Variants in FHIT observed in about 807,000 individuals in gnomAD.
The protein encoded by FHIT is fragile histidine triad diadenosine triphosphatase.
A neutral mutation model predicts 17.9 loss-of-function variants in FHIT; 19 were observed. The observed-to-expected ratio is 1.06, with a 90% CI of 0.74 to 1.56. The LOEUF is 1.56. Ranked by LOEUF, FHIT falls within the 40% of genes most tolerant of loss-of-function variation. FHIT has a pLI of 0.00. For missense variants in FHIT, 248 were observed against 189.2 expected, an observed-to-expected ratio of 1.31 and a Z score of -1.82; for synonymous variants, 81 against 69.7, an observed-to-expected ratio of 1.16 and a Z score of -0.81.
chr3:61,042,636 C>T (rs1293475562), intron 2 of FHIT, among the ~76,000 whole-genome samples: 2 of 151,924 alleles, frequency 1.3e-5, no homozygotes, highest in African/African-American at 4.8e-5. Context: ...GTCAGCCGTT[C>T]GAGACCAGCC....
chr3:60,291,542 C>G (rs1360791799), intron 5 of FHIT, among the ~76,000 whole-genome samples: 1 of 152,148 alleles, frequency 6.6e-6, no homozygotes, highest in African/African-American at 2.4e-5. Context: ...CCAGCATTCC[C>G]CTGTGCAAGC....
rs149025296 is a variant in FHIT, at chr3:60,892,204, G to A, written c.-110-70193C>T. On this transcript the variant is annotated intron_variant, in intron 3 of 9. Transcript: ENST00000492590. ...CAGGTTTGTTTGGTTTTTTCTTTTG[G>A]TGTTAACATATCCTCTTTTTGAAAT... Among the ~76,000 whole-genome samples the A allele has an allele frequency of 6.8e-3, 1,029 of 152,166 alleles. 9 individuals carry two copies. The highest frequency in any genetic ancestry group is 0.024 in the African/African-American group (995 of 41,542).
chr3:60,962,875 T>C (rs1421098961), intron 3 of FHIT, among the ~76,000 whole-genome samples: 1 of 152,216 alleles, frequency 6.6e-6, no homozygotes, highest in East Asian at 1.9e-4. Context: ...ATCAGGGATA[T>C]TGGTCTAAAA....
intron 4 of FHIT, among the ~76,000 whole-genome samples, chr3:60,677,384 T>A (rs1553695638): frequency 6.6e-6 from 1 of 152,172 alleles, no homozygotes; most frequent in Non-Finnish European, 1.5e-5. Context: ...ATTATTCAGC[T>A]CCCACGTGTG....
At chr3:59,870,184 C>T (rs1477856125) in intron 8 of FHIT, among the ~76,000 whole-genome samples, 3 of 152,142 alleles carry the variant, frequency 2.0e-5, no homozygotes, top group Non-Finnish European at 4.4e-5. Context: ...ACCCCTGCAT[C>T]GCGAGCATCA....
chr3:60,367,996 G>C (rs1345296708), intron 5 of FHIT, among the ~76,000 whole-genome samples: 1 of 152,110 alleles, frequency 6.6e-6, no homozygotes, highest in Non-Finnish European at 1.5e-5. Flanking sequence ...TATAGGTGAA[G>C]TATCTTTTAT....
At chr3:60,944,656 C>A (rs782435724) in intron 3 of FHIT, among the ~76,000 whole-genome samples, 2 of 152,098 alleles carry the variant, frequency 1.3e-5, no homozygotes, top group Non-Finnish European at 2.9e-5. Flanking sequence ...GAGAAAAGAA[C>A]AAAGGCAGAA....
At chr3:60,170,220 G>C (rs1251997084) in intron 5 of FHIT, among the ~76,000 whole-genome samples, 2 of 152,118 alleles carry the variant, frequency 1.3e-5, no homozygotes, top group Non-Finnish European at 2.9e-5. Flanking sequence ...AGGTAATCAG[G>C]TTGGCAAGTG....
intron 5 of FHIT, among the ~76,000 whole-genome samples, chr3:60,127,431 C>A (rs1490907275): frequency 6.6e-6 from 1 of 152,142 alleles, no homozygotes; most frequent in South Asian, 2.1e-4. Flanking sequence ...CTTCCTCCCC[C>A]TTTCCACCCA....
chr3:60,565,181 C>G (rs1455573033), intron 4 of FHIT, among the ~76,000 whole-genome samples: 3 of 152,136 alleles, frequency 2.0e-5, no homozygotes, highest in Admixed American at 1.3e-4. Flanking sequence ...TAATAGACTA[C>G]AGCTAAGTGT....
chr3:61,178,123 T>C (rs2038213499), intron 2 of FHIT, among the ~76,000 whole-genome samples: 1 of 152,180 alleles, frequency 6.6e-6, no homozygotes, highest in Non-Finnish European at 1.5e-5. Context: ...GAAATCCCTA[T>C]GTGTTAAGAG....
chr3:60,860,566 GGTATATATGATACATATGTATCATAT>G (rs1703704869), intron 3 of FHIT, among the ~76,000 whole-genome samples: 2 of 66,716 alleles, frequency 3.0e-5, no homozygotes, highest in Admixed American at 2.9e-4. Flanking sequence ...TCATATATCA[GGTATATATGATACATATGTATCATAT>G]ATCAGGTATA....
chr3:60,159,990 G>T (rs1700866921), intron 5 of FHIT, among the ~76,000 whole-genome samples: 1 of 152,118 alleles, frequency 6.6e-6, no homozygotes, highest in Non-Finnish European at 1.5e-5. Flanking sequence ...AAAAATTACG[G>T]ACATAGGATA....
intron 5 of FHIT, among the ~76,000 whole-genome samples, chr3:60,024,968 C>T (rs902436636): frequency 1.3e-5 from 2 of 152,082 alleles, no homozygotes; most frequent in Non-Finnish European, 2.9e-5. Flanking sequence ...GCAGGCCTGG[C>T]CTGTGGTGGT....
intron 4 of FHIT, among the ~76,000 whole-genome samples, chr3:60,661,104 A>G (rs1354140355): frequency 2.0e-5 from 3 of 152,032 alleles, no homozygotes; most frequent in Non-Finnish European, 4.4e-5. Context: ...GTGTTTGGTT[A>G]CATGAATAGG....
At chr3:60,498,605 T>C (rs566126798) in intron 5 of FHIT, among the ~76,000 whole-genome samples, 68 of 152,300 alleles carry the variant, frequency 4.5e-4, no homozygotes, top group African/African-American at 1.6e-3. Context: ...CCTAATGATA[T>C]CATGGTGTGT....
chr3:61,174,524 C>CG (rs1220247238), intron 2 of FHIT, among the ~76,000 whole-genome samples: 2 of 152,142 alleles, frequency 1.3e-5, no homozygotes, highest in East Asian at 1.9e-4. Flanking sequence ...TTACTCTGGG[C>CG]GGGGGGGACC....
At chr3:61,067,949 C>T (rs1427968393) in intron 2 of FHIT, among the ~76,000 whole-genome samples, 2 of 152,184 alleles carry the variant, frequency 1.3e-5, no homozygotes, top group Non-Finnish European at 2.9e-5. Context: ...TTTGGGAATT[C>T]TATTATTGTA....
At chr3:60,767,498 T>A (rs1264865223) in intron 4 of FHIT, among the ~76,000 whole-genome samples, 1 of 152,214 alleles carries the variant, frequency 6.6e-6, no homozygotes, top group African/African-American at 2.4e-5. Context: ...GCCTGGTAAG[T>A]GATGGAAGTG....
Sources: allele counts gnomAD v4.1 joint callset (sites outside exome capture counted in the v4.1 genomes callset), GRCh38; gene constraint gnomAD v4.1.1; transcripts MANE v1.5; gene names NCBI Gene and HGNC (gene_info 2026-07-23, HGNC 2026-07-21).